Variants in ERV3-1 observed in about 807,000 individuals in gnomAD.
The protein encoded by ERV3-1 is endogenous retrovirus group 3 member 1, envelope, also known as endogenous retrovirus group 3 member 1 Env polyprotein.
In ERV3-1, 36 loss-of-function variants were observed where a neutral mutation model predicts 24.6. That is an observed-to-expected ratio of 1.47 (90% CI 1.12 to 1.94). The LOEUF (loss-of-function observed/expected upper bound fraction) is 1.94, where lower values mean the gene tolerates loss of function less well. ERV3-1 is among the 30% of genes most tolerant of loss of function. The probability of loss-of-function intolerance (pLI) is 0.00; values close to 1 mark genes in which losing one functional copy is unlikely to be tolerated. For missense variants in ERV3-1, 578 were observed against 330.9 expected, an observed-to-expected ratio of 1.75 and a Z score of -5.79; for synonymous variants, 211 against 122.6, an observed-to-expected ratio of 1.72 and a Z score of -4.76.
In ERV3-1 at chr7:64,991,180, G is replaced by A. The variant is rs11771269; in HGVS notation, c.*32C>T. On this transcript the variant is annotated 3_prime_UTR_variant, in exon 2 of 2. Transcript: ENST00000394323. ...TAAGGTTTTAAATCCTCCAAGGGAT[G>A]AGAACCAACCTCTGAAAAGGGAATC... The A allele has an allele frequency of 0.38, 266,273 of 699,852 alleles. 51,380 individuals are homozygous for A. Among genetic ancestry groups the A allele is most frequent in the South Asian group, 0.42 (26,292 of 63,218 alleles). 43.4% of individuals were successfully genotyped at this position (699,852 alleles called of 1,614,324 possible). A position where few individuals can be genotyped will look rare whatever the true frequency, so the allele number is the denominator to read the frequency against.
intron 1 of ERV3-1, among the ~76,000 whole-genome samples, chr7:65,003,231 G>A (rs1375722306): frequency 6.6e-6 from 1 of 152,170 alleles, no homozygotes; most frequent in Non-Finnish European, 1.5e-5. Context: ...GCTCACACCT[G>A]TAACCCCAAC....
Position 64,992,628 on chromosome 7 carries a change from A to G in ERV3-1, c.399T>C (p.Phe133=), listed in dbSNP as rs1341999701. 3 of 766,394 alleles carry G rather than the reference A, an allele frequency of 3.9e-6. No homozygotes were observed. In the South Asian group the frequency reaches 4.0e-5, roughly 10 times the overall value. 47.5% of individuals were successfully genotyped at this position (766,394 alleles called of 1,614,324 possible). A position where few individuals can be genotyped will look rare whatever the true frequency, so the allele number is the denominator to read the frequency against. Residue 133 remains phenylalanine, a synonymous_variant, in exon 2 of 2, where the codon TTT becomes TTC. Coordinates refer to ENST00000394323, the MANE Select transcript of ERV3-1 (RefSeq NM_001007253.4). ...VCQIVSMGSL[F]PVIFSSMEYY... ...ACTCCATGGAACTGAAGATTACGGG[A>G]AAGAGTGAGCCCATGGATACTATCT...
Position 64,993,199 on chromosome 7 carries a change from C to A in ERV3-1, c.-173G>T. 1 of 589,436 alleles carries A rather than the reference C, an allele frequency of 1.7e-6. No homozygotes were observed. The highest frequency in any genetic ancestry group is 2.1e-5 in the South Asian group (1 of 47,772). 36.5% of individuals were successfully genotyped at this position (589,436 alleles called of 1,614,324 possible). A position where few individuals can be genotyped will look rare whatever the true frequency, so the allele number is the denominator to read the frequency against. On this transcript the variant is annotated 5_prime_UTR_variant, in exon 2 of 2. Coordinates refer to ENST00000394323, the MANE Select transcript of ERV3-1 (RefSeq NM_001007253.4). ...ATAGACTAGTCAGCTTCTGGGGTGACTAGAGCAGGGCTGTTGTCTCCTCAA... is the reference window on the plus strand; with the variant it reads ...ATAGACTAGTCAGCTTCTGGGGTGAATAGAGCAGGGCTGTTGTCTCCTCAA...
At chr7:64,998,548 G>T (rs1375441041) in intron 1 of ERV3-1, among the ~76,000 whole-genome samples, 1 of 152,122 alleles carries the variant, frequency 6.6e-6, no homozygotes. Flanking sequence ...CTTACTTAAA[G>T]TTCCTTAACA....
chr7:64,997,027 GC>G (rs1786418650), intron 1 of ERV3-1, among the ~76,000 whole-genome samples: 1 of 152,142 alleles, frequency 6.6e-6, no homozygotes, highest in Admixed American at 6.5e-5. Context: ...TTTCTTCATT[GC>G]CCTCTGGACA....
intron 1 of ERV3-1, among the ~76,000 whole-genome samples, chr7:64,996,007 G>C (rs903286807): frequency 6.6e-6 from 1 of 152,196 alleles, no homozygotes; most frequent in Admixed American, 6.5e-5. Flanking sequence ...GCAAAGATGG[G>C]CTGACTAACT....
At chr7:65,000,256 G>A (rs1195687150) in intron 1 of ERV3-1, among the ~76,000 whole-genome samples, 2 of 151,744 alleles carry the variant, frequency 1.3e-5, no homozygotes, top group South Asian at 2.1e-4. Context: ...GGAGTCTCAC[G>A]CTGTTGCCCA....
At chr7:65,003,949 T>C (rs1463510908) in intron 1 of ERV3-1, 1 of 152,334 alleles carries the variant, frequency 6.6e-6, no homozygotes, top group Admixed American at 6.5e-5. Context: ...TATGGAAATG[T>C]ATTCATTTTC....
In ERV3-1 at chr7:65,006,633, C is replaced by T; in HGVS notation, c.-481G>A. 1 of 1,537,576 alleles carries T rather than the reference C, an allele frequency of 6.5e-7. No individual in the cohort carries two copies. Among genetic ancestry groups the T allele is most frequent in the Non-Finnish European group, 9.0e-7 (1 of 1,112,574 alleles). Reference sequence around the variant, plus strand: ...GCCACAGAAGCTGGGCCTCTAGGAGCAGAAGACACAGAGCAGTGAAGACTA... The same window carrying T: ...GCCACAGAAGCTGGGCCTCTAGGAGTAGAAGACACAGAGCAGTGAAGACTA... On this transcript the variant is annotated 5_prime_UTR_variant, in exon 1 of 2. Transcript: ENST00000394323.
chr7:64,994,795 C>G (rs1786369013), intron 1 of ERV3-1, among the ~76,000 whole-genome samples: 1 of 152,244 alleles, frequency 6.6e-6, no homozygotes, highest in Non-Finnish European at 1.5e-5. Context: ...AGCTGGAGAA[C>G]CCTCGTTAGG....
chr7:64,998,558 A>G (rs555757279), intron 1 of ERV3-1, among the ~76,000 whole-genome samples: 28 of 152,276 alleles, frequency 1.8e-4, no homozygotes, highest in African/African-American at 6.5e-4. Context: ...GTTCCTTAAC[A>G]TACATTCTAA....
chr7:64,991,865 G>A lies in ERV3-1; in HGVS notation c.1162C>T (p.His388Tyr), dbSNP rs1786275235. 1.3e-6 allele frequency: 1 copy of A among 766,230 alleles called. No homozygotes were observed. The allele number at this position is 766,230 out of a possible 1,614,324, so 47.5% of individuals were successfully genotyped here. ...GGGAAACGAGAGAATGGGCTTGGGTGTGGTGATTCAGAATTATTGCTTTTG... is the reference window on the plus strand; with the variant it reads ...GGGAAACGAGAGAATGGGCTTGGGTATGGTGATTCAGAATTATTGCTTTTG... ...RGKSNNSESP[H>Y]PSPFSRFPSL... The change falls in exon 2 of 2, where the codon CAC (histidine) becomes TAC (tyrosine). Residue 388 changes from histidine to tyrosine, a missense_variant. His to Tyr is a moderately conservative substitution (Grantham distance 83, BLOSUM62 2). Transcript: ENST00000394323.
chr7:64,997,208 G>T (rs896370899), intron 1 of ERV3-1, among the ~76,000 whole-genome samples: 1 of 152,176 alleles, frequency 6.6e-6, no homozygotes, highest in African/African-American at 2.4e-5. Context: ...TAGCAGATCG[G>T]CCTTTTTCTT....
In ERV3-1 at chr7:64,992,008, A is replaced by AT; in HGVS notation, c.1018dup (p.Ile340AsnfsTer44). ...GCGAGCAATACAGAATTTTCCAATAATGGAGGTTTTTAAGAACCAGATGCT... is the reference window on the plus strand; with the variant it reads ...GCGAGCAATACAGAATTTTCCAATAATTGGAGGTTTTTAAGAACCAGATGCT... On this transcript the variant is annotated frameshift_variant, in exon 2 of 2. Transcript: ENST00000394323. LOFTEE classifies it high-confidence loss of function. The AT allele has an allele frequency of 1.3e-6, 1 of 766,402 alleles. No homozygotes were observed. The highest frequency in any genetic ancestry group is 2.4e-6 in the Non-Finnish European group (1 of 417,908). The allele number at this position is 766,402 out of a possible 1,614,324, so 47.5% of individuals were successfully genotyped here.
intron 1 of ERV3-1, among the ~76,000 whole-genome samples, chr7:65,002,253 ACT>A (rs2129124354): frequency 6.6e-6 from 1 of 152,262 alleles, no homozygotes; most frequent in East Asian, 1.9e-4. Flanking sequence ...CCAGACACTG[ACT>A]CTGCACATTT....
At position 64,991,469 on chromosome 7, in the gene ERV3-1, C is replaced by T. The variant is rs368193101; in HGVS notation, c.1558G>A (p.Ala520Thr). ...YMLNRIIRLQ[A>T]VLEIITNETA... is the part of the protein sequence containing the mutation. ...TCATTGGTAATGATTTCTAGTACTG[C>T]CTGCAATCTTATAATGCGGTTAAGC... Residue 520 changes from alanine to threonine, a missense_variant, in exon 2 of 2, where the codon GCA becomes ACA. Ala to Thr is a moderately conservative substitution (Grantham distance 58). Transcript: ENST00000394323. The T allele has an allele frequency of 1.3e-5, 9 of 704,016 alleles. No individual in the cohort carries two copies. In the African/African-American group the frequency reaches 1.6e-4, roughly 12 times the overall value. 43.6% of individuals were successfully genotyped at this position (704,016 alleles called of 1,614,324 possible).
chr7:65,006,159 G>C (rs1201829215), intron 1 of ERV3-1: 8 of 199,164 alleles, frequency 4.0e-5, no homozygotes. Flanking sequence ...GAAAAAAAGG[G>C]GGACTGGGAA....
intron 1 of ERV3-1, among the ~76,000 whole-genome samples, chr7:64,998,113 C>T (rs915450816): frequency 6.6e-6 from 1 of 152,100 alleles, no homozygotes; most frequent in Non-Finnish European, 1.5e-5. Flanking sequence ...GCTCAGGGGC[C>T]GTCCTTGGTA....
chr7:64,992,267 A>G lies in ERV3-1; in HGVS notation c.760T>C (p.Phe254Leu), dbSNP rs1237346329. ...TTAACATGCTCATAGAATGACTCAA[A>G]AACTCGGAACTGTTGGGTTGAGCGG... ...RTRSTQQFRV[F>L]ESFYEHVNQK... The change falls in exon 2 of 2, where the codon TTT becomes CTT. Residue 254 changes from phenylalanine to leucine, a missense_variant. Physicochemically the swap from Phe to Leu is conservative, Grantham distance 22 (BLOSUM62 0). Transcript: ENST00000394323. The G allele has an allele frequency of 1.3e-6, 1 of 766,270 alleles. No individual in the cohort carries two copies. Among genetic ancestry groups the G allele is most frequent in the Non-Finnish European group, 2.4e-6 (1 of 417,908 alleles). 47.5% of individuals were successfully genotyped at this position (766,270 alleles called of 1,614,324 possible).
Sources: gnomAD v4.1 joint callset for allele counts (sites outside exome capture counted in the v4.1 genomes callset) on GRCh38, gnomAD v4.1.1 for gene constraint, MANE v1.5 for transcripts, NCBI Gene and HGNC (gene_info 2026-07-23, HGNC 2026-07-21) for gene names.